The following GRIP1 variants were observed in gnomAD, a reference collection of about 807,000 sequenced individuals.
The protein encoded by GRIP1 is glutamate receptor-interacting protein 1.
A neutral mutation model predicts 129.9 loss-of-function variants in GRIP1; 45 were observed. That is an observed-to-expected ratio of 0.35 (90% CI 0.27 to 0.44). The LOEUF is 0.44. GRIP1 is among the 20% of genes least tolerant of loss of function. GRIP1 has a pLI of 1.00. For synonymous variants in GRIP1, 530 were observed against 520.8 expected (o/e 1.02, Z -0.24); for missense variants, 1,196 against 1,396.8 (o/e 0.86, Z 2.29).
At chr12:66,395,740 T>A (rs546295867) in intron 16 of GRIP1, among the ~76,000 whole-genome samples, 1 of 152,264 alleles carries the variant, frequency 6.6e-6, no homozygotes, top group Non-Finnish European at 1.5e-5. Context: ...AAGTCAACAT[T>A]TTAGGGCACA....
Position 66,893,728 on chromosome 12 carries a change from C to A in GRIP1, c.58+175322G>T, listed in dbSNP as rs374577945. Among the ~76,000 whole-genome samples the A allele has an allele frequency of 6.2e-4, 94 of 152,270 alleles. No homozygotes were observed. The East Asian group carries it at 0.01, about 17-fold the overall frequency. On this transcript the variant is annotated intron_variant, in intron 1 of 1. Coordinates refer to the GRIP1 transcript ENST00000643019. Reference sequence around the variant, plus strand: ...TTATTTCTCTAGGATAAATACCCAGCAATGTGATTGCAGAGTCAAAGGGTT... The same window carrying A: ...TTATTTCTCTAGGATAAATACCCAGAAATGTGATTGCAGAGTCAAAGGGTT...
chr12:66,909,150 T>C (rs544574855), intron 1 of GRIP1, among the ~76,000 whole-genome samples: 1 of 152,358 alleles, frequency 6.6e-6, no homozygotes, highest in South Asian at 2.1e-4. Flanking sequence ...CTCTCTATCC[T>C]TGTTATCATT....
intron 1 of GRIP1, among the ~76,000 whole-genome samples, chr12:66,963,856 T>C (rs957026002): frequency 3.9e-5 from 6 of 152,140 alleles, no homozygotes; most frequent in African/African-American, 1.4e-4. Context: ...TGACCAACAC[T>C]GAACTCAGTA....
chr12:66,776,598 A>C (rs143286206), intron 1 of GRIP1, among the ~76,000 whole-genome samples: 39 of 152,364 alleles, frequency 2.6e-4, no homozygotes, highest in African/African-American at 9.4e-4. Flanking sequence ...AGTGGAACAC[A>C]AGGACATGCA....
At chr12:66,623,177 G>A (rs960826952) in intron 1 of GRIP1, among the ~76,000 whole-genome samples, 1 of 152,084 alleles carries the variant, frequency 6.6e-6, no homozygotes, top group African/African-American at 2.4e-5. Flanking sequence ...ATATTTTCAT[G>A]GAGAGGCATA....
intron 1 of GRIP1, among the ~76,000 whole-genome samples, chr12:66,601,839 T>A (rs1463837938): frequency 6.6e-6 from 1 of 152,188 alleles, no homozygotes; most frequent in Non-Finnish European, 1.5e-5. Context: ...TCCCTTGAAT[T>A]CAATTAAATG....
At chr12:66,948,027 A>C (rs2041699316) in intron 1 of GRIP1, among the ~76,000 whole-genome samples, 2 of 152,188 alleles carry the variant, frequency 1.3e-5, no homozygotes, top group Non-Finnish European at 2.9e-5. Context: ...AAGTGGGTTC[A>C]TCTGCTCGGC....
chr12:66,840,756 G>A (rs2039701547), intron 1 of GRIP1, among the ~76,000 whole-genome samples: 1 of 152,146 alleles, frequency 6.6e-6, no homozygotes, highest in Non-Finnish European at 1.5e-5. Flanking sequence ...TGGTCATTTG[G>A]GCTGCCTGAG....
At chr12:66,530,046 T>TTAAA (rs58493926) in intron 4 of GRIP1, 132 bp from the exon 5 acceptor site, 169,213 of 664,514 alleles carry the variant, frequency 0.25, 22,833 homozygotes, top group East Asian at 0.37. Flanking sequence ...CAATTCCTTT[T>TTAAA]CAAAGAAAAT....
chr12:66,943,556 TAAC>T lies in GRIP1; in HGVS notation c.58+125491_58+125493del, dbSNP rs539019203. Reference sequence around the variant, plus strand: ...TTTTCTGTGAAATTGCTTCAGTTGATAACAAACACAAAAGGAAAGAAAGGCAGT... The same window carrying T: ...TTTTCTGTGAAATTGCTTCAGTTGATAAACACAAAAGGAAAGAAAGGCAGT... On this transcript the variant is annotated intron_variant, in intron 1 of 1. Transcript: ENST00000643019. Among the ~76,000 whole-genome samples, 330 of 152,326 alleles carry T rather than the reference TAAC, an allele frequency of 2.2e-3. 2 individuals carry two copies. The highest frequency in any genetic ancestry group is 7.2e-3 in the African/African-American group (301 of 41,576).
chr12:66,445,659 G>A, intron 11 of GRIP1, 151 bp from the exon 12 acceptor site: 1 of 609,242 alleles, frequency 1.6e-6, no homozygotes, highest in Non-Finnish European at 2.9e-6. Context: ...AGTTGAAAAA[G>A]ATAAATGAAT....
At chr12:66,942,570 C>G (rs930160726) in intron 1 of GRIP1, among the ~76,000 whole-genome samples, 1 of 152,174 alleles carries the variant, frequency 6.6e-6, no homozygotes, top group African/African-American at 2.4e-5. Context: ...ACTAATCACA[C>G]CTGGCATCCT....
At chr12:66,387,555 G>A (rs2056408610) in intron 19 of GRIP1, among the ~76,000 whole-genome samples, 1 of 152,068 alleles carries the variant, frequency 6.6e-6, no homozygotes, top group African/African-American at 2.4e-5. Flanking sequence ...TGAGAGCAAA[G>A]GCATAGAAAA....
At chr12:66,457,333 T>C (rs1592358456) in intron 9 of GRIP1, among the ~76,000 whole-genome samples, 1 of 152,212 alleles carries the variant, frequency 6.6e-6, no homozygotes, top group East Asian at 1.9e-4. Context: ...AGTGGTGTGA[T>C]CATAGCTCAC....
chr12:66,785,345 T>TACATACATAC (rs564822274), intron 1 of GRIP1, among the ~76,000 whole-genome samples: 15 of 107,552 alleles, frequency 1.4e-4, no homozygotes, highest in East Asian at 3.4e-4. Flanking sequence ...CATACATACA[T>TACATACATAC]ATATATATAT....
intron 1 of GRIP1, among the ~76,000 whole-genome samples, chr12:66,842,269 T>C (rs2039732814): frequency 6.6e-6 from 1 of 152,102 alleles, no homozygotes; most frequent in Admixed American, 6.6e-5. Flanking sequence ...TTGTTATGTA[T>C]AATTTTATAT....
chr12:66,913,568 G>C (rs1472194479), intron 1 of GRIP1, among the ~76,000 whole-genome samples: 1 of 152,104 alleles, frequency 6.6e-6, no homozygotes, highest in Non-Finnish European at 1.5e-5. Flanking sequence ...GCTTCAGGAA[G>C]GCATTGCTTA....
At chr12:66,921,346 G>C (rs1342292694) in intron 1 of GRIP1, among the ~76,000 whole-genome samples, 1 of 152,182 alleles carries the variant, frequency 6.6e-6, no homozygotes, top group Non-Finnish European at 1.5e-5. Context: ...CCTGGCTCCT[G>C]ACATGTCAAT....
intron 1 of GRIP1, among the ~76,000 whole-genome samples, chr12:66,946,796 TGG>T (rs2041677400): frequency 3.1e-4 from 2 of 6,430 alleles, no homozygotes; most frequent in Admixed American, 1.7e-3. Flanking sequence ...GGGGGGGGTG[TGG>T]GGGCTGGGGG....
Sources: allele counts gnomAD v4.1 joint callset (sites outside exome capture counted in the v4.1 genomes callset), GRCh38; gene constraint gnomAD v4.1.1; transcripts MANE v1.5; gene names NCBI Gene and HGNC (gene_info 2026-07-23, HGNC 2026-07-21).